Variants in RNF38 observed in about 807,000 individuals in gnomAD.
The protein encoded by RNF38 is E3 ubiquitin-protein ligase RNF38.
RNF38 carries 15 observed loss-of-function variants against 67.2 expected under a neutral mutation model. That is an observed-to-expected ratio of 0.22 (90% confidence interval 0.15 to 0.34). The LOEUF is 0.34. Ranked by LOEUF, RNF38 falls within the 10% of genes least tolerant of loss-of-function variation. The pLI, the probability that RNF38 is intolerant of heterozygous loss-of-function variation, is 1.00. For missense variants in RNF38, 524 were observed against 639.9 expected (o/e 0.82, Z 1.95); for synonymous variants, 220 against 218.8 (o/e 1.01, Z -0.05).
At position 36,339,605 on chromosome 9, in the gene RNF38, G is replaced by C; in HGVS notation, c.*147C>G. The C allele has an allele frequency of 1.6e-6, 1 of 617,686 alleles. No homozygotes were observed. The highest frequency in any genetic ancestry group is 2.7e-5 in the Admixed American group (1 of 36,458). 38.3% of individuals were successfully genotyped at this position (617,686 alleles called of 1,614,324 possible). On this transcript the variant is annotated 3_prime_UTR_variant, in exon 12 of 12. Transcript: ENST00000259605. ...TGAAGACTAATTGTAAGCTTTTATAGTTGATTAAGTCACACAGTGCAAAGA... is the reference window on the plus strand; with the variant it reads ...TGAAGACTAATTGTAAGCTTTTATACTTGATTAAGTCACACAGTGCAAAGA...
At chr9:36,483,985 G>A (rs2134462933) in intron 1 of RNF38, among the ~76,000 whole-genome samples, 1 of 152,288 alleles carries the variant, frequency 6.6e-6, no homozygotes. Flanking sequence ...CTCCACAAAA[G>A]AGGTAAAGTA....
chr9:36,400,004 G>T, intron 1 of RNF38, 93 bp downstream of exon 1: 1 of 1,112,814 alleles, frequency 9.0e-7, no homozygotes, highest in Non-Finnish European at 1.3e-6. Context: ...ATAATTACAT[G>T]TGTGTGTTTC....
At chr9:36,405,273 A>AC (rs2134177472), upstream of RNF38, among the ~76,000 whole-genome samples, 1 of 152,022 alleles carries the variant, frequency 6.6e-6, no homozygotes, top group East Asian at 1.9e-4. Context: ...TCTCTTAAAA[A>AC]AAAAAATTCA....
At chr9:36,409,184 C>A (rs1750056700) in intron 2 of RNF38, among the ~76,000 whole-genome samples, 1 of 138,944 alleles carries the variant, frequency 7.2e-6, no homozygotes, top group African/African-American at 2.7e-5. Flanking sequence ...GAGACTGTCT[C>A]CAAGAAAGAA....
intron 2 of RNF38, among the ~76,000 whole-genome samples, chr9:36,421,827 C>T (rs1259439402): frequency 2.0e-5 from 3 of 152,052 alleles, no homozygotes; most frequent in African/African-American, 7.2e-5. Flanking sequence ...AAACCAATAC[C>T]CACGTGTCAT....
At chr9:36,392,268 AAAAC>A (rs757713465) in intron 1 of RNF38, among the ~76,000 whole-genome samples, 2 of 152,348 alleles carry the variant, frequency 1.3e-5, no homozygotes, top group South Asian at 2.1e-4. Flanking sequence ...CTAGAAGTAA[AAAAC>A]AAAGCACTTG....
intron 1 of RNF38, among the ~76,000 whole-genome samples, chr9:36,446,966 A>C (rs543441222): frequency 1.3e-5 from 2 of 148,648 alleles, no homozygotes; most frequent in South Asian, 4.3e-4. Context: ...CAAAAATACA[A>C]AAAAAAAAAA....
chr9:36,379,685 T>C (rs1200175048), intron 2 of RNF38, among the ~76,000 whole-genome samples: 7 of 152,080 alleles, frequency 4.6e-5, no homozygotes, highest in Non-Finnish European at 8.8e-5. Context: ...ATTCCAGGAA[T>C]GGTAGTATAG....
chr9:36,428,999 C>T (rs560572581), intron 1 of RNF38, among the ~76,000 whole-genome samples: 3 of 152,228 alleles, frequency 2.0e-5, no homozygotes, highest in Admixed American at 2.0e-4. Context: ...CTTATCAAGC[C>T]CTCGCTACAT....
intron 3 of RNF38, among the ~76,000 whole-genome samples, chr9:36,373,692 C>T (rs1207747696): frequency 6.6e-6 from 1 of 150,976 alleles, no homozygotes; most frequent in African/African-American, 2.4e-5. Context: ...CCAGGCTGGT[C>T]TCGAACTCTT....
chr9:36,474,491 G>C (rs1357043256), intron 1 of RNF38, among the ~76,000 whole-genome samples: 1 of 148,334 alleles, frequency 6.7e-6, no homozygotes, highest in Non-Finnish European at 1.5e-5. Flanking sequence ...GAGGCTATCT[G>C]TAAAGTAAGA....
intron 1 of RNF38, among the ~76,000 whole-genome samples, chr9:36,443,484 C>A (rs1452229426): frequency 6.6e-6 from 1 of 152,158 alleles, no homozygotes. Context: ...GCAATTCTAT[C>A]TTTATATTAT....
chr9:36,464,180 A>C (rs2134386414), intron 1 of RNF38, among the ~76,000 whole-genome samples: 2 of 150,852 alleles, frequency 1.3e-5, no homozygotes, highest in South Asian at 2.1e-4. Context: ...CAAACAAACA[A>C]ACAAAAAACC....
rs946523611 is a variant in RNF38, at chr9:36,422,604, T to C, written n.312+2009A>G. On this transcript the variant is annotated intron_variant and non_coding_transcript_variant, in intron 2 of 3. Coordinates refer to the RNF38 transcript ENST00000488058. ...AAGTACTACTTGCTGACTGAATGAA[T>C]TGAATAAATTCTAAATACATAGTCA... Among the ~76,000 whole-genome samples, 7 of 152,236 alleles carry C rather than the reference T, an allele frequency of 4.6e-5. No individual in the cohort carries two copies. In the South Asian group the frequency reaches 8.3e-4, roughly 18 times the overall value.
chr9:36,369,990 T>C, intron 3 of RNF38, 58 bp from the exon 4 acceptor site: 3 of 1,411,530 alleles, frequency 2.1e-6, no homozygotes, highest in Middle Eastern at 2.5e-4. Context: ...CAGGATTCTG[T>C]ATTGTCTTTC....
At chr9:36,466,414 C>T (rs571899503) in intron 1 of RNF38, among the ~76,000 whole-genome samples, 15 of 152,236 alleles carry the variant, frequency 9.9e-5, no homozygotes, top group Admixed American at 1.3e-4. Context: ...ATTTATATTT[C>T]GATAAAGCTG....
At chr9:36,459,888 T>C (rs183746389) in intron 1 of RNF38, among the ~76,000 whole-genome samples, 10 of 152,102 alleles carry the variant, frequency 6.6e-5, no homozygotes, top group East Asian at 3.9e-4. Context: ...GCATACAAGA[T>C]ACTCTGTGGC....
chr9:36,380,384 G>C (rs1836123344), intron 2 of RNF38, among the ~76,000 whole-genome samples: 1 of 152,164 alleles, frequency 6.6e-6, no homozygotes, highest in African/African-American at 2.4e-5. Flanking sequence ...TTTTTAAGTA[G>C]AGATGGGGTT....
At chr9:36,460,267 G>C (rs144417975) in intron 1 of RNF38, among the ~76,000 whole-genome samples, 302 of 152,214 alleles carry the variant, frequency 2.0e-3, no homozygotes, top group African/African-American at 6.5e-3. Context: ...ACAACTGATG[G>C]TTTACTTCTC....
Sources: allele counts gnomAD v4.1 joint callset (sites outside exome capture counted in the v4.1 genomes callset), GRCh38; gene constraint gnomAD v4.1.1; transcripts MANE v1.5; gene names NCBI Gene and HGNC (gene_info 2026-07-23, HGNC 2026-07-21).